The following NEDD9 variants were observed in gnomAD, a reference collection of about 807,000 sequenced individuals.
The protein encoded by NEDD9 is enhancer of filamentation 1.
In NEDD9, 26 loss-of-function variants were observed where a neutral mutation model predicts 76.6. The observed-to-expected ratio is 0.34, with a 90% CI of 0.25 to 0.47. NEDD9 has a LOEUF of 0.47. NEDD9 is among the 20% of genes least tolerant of loss of function. NEDD9 has a pLI of 1.00. For missense variants in NEDD9, 937 were observed against 1,058.5 expected, an observed-to-expected ratio of 0.89 and a Z score of 1.59; for synonymous variants, 392 against 414.2, an observed-to-expected ratio of 0.95 and a Z score of 0.65.
chr6:11,346,172 G>A (rs186398969), intron 1 of NEDD9, among the ~76,000 whole-genome samples: 1 of 152,260 alleles, frequency 6.6e-6, no homozygotes, highest in Non-Finnish European at 1.5e-5. Context: ...TCCAGCACTG[G>A]GGACAGTGTC....
intron 1 of NEDD9, among the ~76,000 whole-genome samples, chr6:11,340,004 A>C (rs1439681183): frequency 1.3e-5 from 2 of 152,240 alleles, no homozygotes; most frequent in African/African-American, 2.4e-5. Flanking sequence ...GAATTTAAGA[A>C]GCTCTTTAAA....
chr6:11,223,940 T>A (rs1357100639), intron 1 of NEDD9, among the ~76,000 whole-genome samples: 1 of 152,202 alleles, frequency 6.6e-6, no homozygotes, highest in East Asian at 1.9e-4. Flanking sequence ...TGGATTAATC[T>A]CAGGAGCAGC....
chr6:11,201,500 G>A (rs1166615292), intron 2 of NEDD9, among the ~76,000 whole-genome samples: 1 of 152,124 alleles, frequency 6.6e-6, no homozygotes, highest in Admixed American at 6.5e-5. Context: ...TAAGAACAAA[G>A]CAGTAAAAAA....
intron 1 of NEDD9, among the ~76,000 whole-genome samples, chr6:11,376,762 G>A (rs1007335640): frequency 6.6e-6 from 1 of 152,350 alleles, no homozygotes; most frequent in Middle Eastern, 3.4e-3. Flanking sequence ...TTGCTAGAGA[G>A]ATGAGCATAA....
chr6:11,353,730 G>A (rs554233586), intron 1 of NEDD9, among the ~76,000 whole-genome samples: 7 of 152,298 alleles, frequency 4.6e-5, no homozygotes, highest in Non-Finnish European at 7.4e-5. Flanking sequence ...CACCTTTAAC[G>A]TGGAAAACCT....
At chr6:11,200,378 G>T (rs777208569) in intron 2 of NEDD9, 1 of 582,346 alleles carries the variant, frequency 1.7e-6, no homozygotes, top group Non-Finnish European at 2.8e-6. Flanking sequence ...CTCTCTGGAG[G>T]CAGAGAACAT....
intron 5 of NEDD9, among the ~76,000 whole-genome samples, chr6:11,189,419 TG>T (rs1422859643): frequency 3.3e-5 from 5 of 152,196 alleles, no homozygotes; most frequent in African/African-American, 1.2e-4. Context: ...TAGGTAAGTC[TG>T]AGATGGGGCT....
At chr6:11,228,921 G>T (rs1453720043) in intron 1 of NEDD9, among the ~76,000 whole-genome samples, 8 of 152,168 alleles carry the variant, frequency 5.3e-5, no homozygotes, top group African/African-American at 1.9e-4. Flanking sequence ...TGGATTGGTT[G>T]CAAAAATCAT....
intron 2 of NEDD9, among the ~76,000 whole-genome samples, chr6:11,209,782 C>T (rs1758719397): frequency 6.6e-6 from 1 of 152,186 alleles, no homozygotes; most frequent in South Asian, 2.1e-4. Context: ...GCCTTACTCT[C>T]TCCACAATTC....
chr6:11,227,136 A>G (rs1419958135), intron 1 of NEDD9, among the ~76,000 whole-genome samples: 1 of 152,232 alleles, frequency 6.6e-6, no homozygotes, highest in African/African-American at 2.4e-5. Flanking sequence ...AGTCATTAGT[A>G]TATTAGCAAG....
chr6:11,192,289 C>CT (rs5874310), intron 4 of NEDD9, 56 bp downstream of exon 4: 395,370 of 469,938 alleles, frequency 0.84, 175,724 homozygotes, highest in East Asian at 1. Context: ...CTGCACCCCC[C>CT]GACACACAGA....
chr6:11,228,535 A>G (rs1360930310), intron 1 of NEDD9, among the ~76,000 whole-genome samples: 1 of 134,110 alleles, frequency 7.5e-6, no homozygotes, highest in Admixed American at 8.2e-5. Context: ...ATCTCAAAAA[A>G]AGAAAAAAAG....
intron 2 of NEDD9, among the ~76,000 whole-genome samples, chr6:11,331,916 G>A (rs1179030871): frequency 6.6e-6 from 1 of 152,194 alleles, no homozygotes; most frequent in African/African-American, 2.4e-5. Flanking sequence ...GGGCTGGAGG[G>A]GAGCTGTAGT....
chr6:11,342,539 C>A (rs1004477219), intron 1 of NEDD9, among the ~76,000 whole-genome samples: 2 of 152,276 alleles, frequency 1.3e-5, no homozygotes, highest in Admixed American at 1.3e-4. Context: ...TGTAAAAATC[C>A]TATTCACACA....
At chr6:11,300,038 G>A (rs1191558407) in intron 3 of NEDD9, among the ~76,000 whole-genome samples, 1 of 152,236 alleles carries the variant, frequency 6.6e-6, no homozygotes, top group Non-Finnish European at 1.5e-5. Context: ...GTTGGCTTCA[G>A]AAGGTCTGTG....
At chr6:11,238,269 G>A (rs988713217) in intron 3 of NEDD9, among the ~76,000 whole-genome samples, 7 of 152,192 alleles carry the variant, frequency 4.6e-5, no homozygotes, top group African/African-American at 7.2e-5. Context: ...TACAGCATGC[G>A]CCAACTTACA....
At chr6:11,276,911 C>CA (rs1273580009) in intron 3 of NEDD9, among the ~76,000 whole-genome samples, 3 of 152,108 alleles carry the variant, frequency 2.0e-5, no homozygotes, top group African/African-American at 7.2e-5. Context: ...TAGATCCTGG[C>CA]AAAGGAATAG....
rs1406333807 is a variant in NEDD9 at position 11,241,958 on chromosome 6, C to A, written c.13-28231G>T. Among the ~76,000 whole-genome samples the A allele has an allele frequency of 1.3e-5, 2 of 152,220 alleles. No individual in the cohort carries two copies. The highest frequency in any genetic ancestry group is 4.8e-5 in the African/African-American group (2 of 41,456). Reference sequence around the variant, plus strand: ...TGAGAGGAATGTGGCGGGAACACAGCACACCCTGCACGGTTCAAGCCAAGC... The same window carrying A: ...TGAGAGGAATGTGGCGGGAACACAGAACACCCTGCACGGTTCAAGCCAAGC... On this transcript the variant is annotated intron_variant, in intron 3 of 3. Coordinates refer to the NEDD9 transcript ENST00000397378. This position sits in a 1 kb window ranked among gnomAD's most constrained non-coding sequence, Gnocchi z 4.0.
intron 3 of NEDD9, among the ~76,000 whole-genome samples, chr6:11,275,060 C>T (rs11965578): frequency 0.082 from 12,460 of 152,212 alleles, 602 homozygotes; most frequent in Middle Eastern, 0.15. Context: ...TAGAATACTA[C>T]ATATCCTCAA....
Sources: gnomAD v4.1 joint callset for allele counts (sites outside exome capture counted in the v4.1 genomes callset) on GRCh38, gnomAD v4.1.1 for gene constraint, Gnocchi (gnomAD v3.1) non-coding constraint, MANE v1.5 for transcripts, NCBI Gene and HGNC (gene_info 2026-07-23, HGNC 2026-07-21) for gene names.